The following CCBE1 variants were observed in gnomAD, a reference collection of about 807,000 sequenced individuals.
CCBE1 encodes the protein collagen and calcium binding EGF domains 1.
CCBE1 carries 37 observed loss-of-function variants against 50.0 expected under a neutral mutation model. The observed-to-expected ratio is 0.74, with a 90% CI of 0.57 to 0.97. The LOEUF is 0.97. CCBE1 is among the 50% of genes least tolerant of loss of function. The pLI is 0.00. For missense variants in CCBE1, 538 were observed against 523.8 expected (o/e 1.03, Z -0.26); for synonymous variants, 234 against 203.7 (o/e 1.15, Z -1.27).
At chr18:59,614,459 C>A (rs2053613378) in intron 2 of CCBE1, among the ~76,000 whole-genome samples, 2 of 152,214 alleles carry the variant, frequency 1.3e-5, no homozygotes, top group Admixed American at 6.5e-5. Context: ...ACAATGGTGT[C>A]TTCCCAAATA....
intron 2 of CCBE1, among the ~76,000 whole-genome samples, chr18:59,527,813 C>G (rs1914888094): frequency 6.6e-6 from 1 of 152,200 alleles, no homozygotes; most frequent in Non-Finnish European, 1.5e-5. Flanking sequence ...GGCCCCTAAT[C>G]TCTTCTGGCT....
chr18:59,506,623 A>G (rs1319745434), intron 2 of CCBE1, among the ~76,000 whole-genome samples: 1 of 152,116 alleles, frequency 6.6e-6, no homozygotes, highest in African/African-American at 2.4e-5. Flanking sequence ...CCCAACCTCA[A>G]TCTCTTTCCT....
intron 2 of CCBE1, among the ~76,000 whole-genome samples, chr18:59,543,127 C>T (rs1232594642): frequency 6.6e-6 from 1 of 151,716 alleles, no homozygotes; most frequent in Admixed American, 6.5e-5. Context: ...CCATATTTTA[C>T]ACAAAAAGTT....
intron 2 of CCBE1, among the ~76,000 whole-genome samples, chr18:59,684,785 T>A (rs1236600309): frequency 6.6e-6 from 1 of 152,222 alleles, no homozygotes; most frequent in Admixed American, 6.5e-5. Flanking sequence ...ATGTAGTAAA[T>A]ACAGAGCTTG....
chr18:59,651,755 G>A (rs2144667505), intron 2 of CCBE1, among the ~76,000 whole-genome samples: 1 of 152,306 alleles, frequency 6.6e-6, no homozygotes, highest in Non-Finnish European at 1.5e-5. Flanking sequence ...GAAAGGCACT[G>A]GGCCCCACCT....
chr18:59,530,691 G>T (rs892630541), intron 2 of CCBE1, among the ~76,000 whole-genome samples: 12 of 152,176 alleles, frequency 7.9e-5, no homozygotes, highest in Non-Finnish European at 1.2e-4. Flanking sequence ...CAGAGCTTCT[G>T]TAATTCTCTG....
At chr18:59,685,780 C>CA (rs2054646126) in intron 2 of CCBE1, 1 of 152,208 alleles carries the variant, frequency 6.6e-6, no homozygotes, top group East Asian at 1.9e-4. Context: ...AAGAAGTAAA[C>CA]AACAGAACAT....
intron 9 of CCBE1, among the ~76,000 whole-genome samples, chr18:59,438,970 C>T (rs1425463361): frequency 6.6e-6 from 1 of 151,848 alleles, no homozygotes; most frequent in South Asian, 2.1e-4. Context: ...GGTAACATGG[C>T]GAAACCCCGT....
At chr18:59,602,113 C>T (rs1162173048) in intron 2 of CCBE1, among the ~76,000 whole-genome samples, 1 of 147,422 alleles carries the variant, frequency 6.8e-6, no homozygotes, top group Non-Finnish European at 1.5e-5. Context: ...AATGTGAATT[C>T]CTTTTTTTTT....
intron 2 of CCBE1, among the ~76,000 whole-genome samples, chr18:59,621,933 C>T (rs77854527): frequency 0.014 from 2,157 of 152,278 alleles, 27 homozygotes; most frequent in Admixed American, 0.033. Context: ...CAGAGGCCAG[C>T]CATGGACTTA....
intron 2 of CCBE1, among the ~76,000 whole-genome samples, chr18:59,517,265 C>T (rs1396947552): frequency 6.6e-6 from 1 of 152,188 alleles, no homozygotes; most frequent in Admixed American, 6.5e-5. Context: ...TATTGATTCA[C>T]CCATGAACAA....
chr18:59,568,482 G>A (rs1157895886), intron 2 of CCBE1: 1 of 152,116 alleles, frequency 6.6e-6, no homozygotes, highest in Non-Finnish European at 1.5e-5. Context: ...AGAAACCAAT[G>A]GACTATTTAC....
chr18:59,540,925 T>C (rs1915441773), intron 2 of CCBE1, among the ~76,000 whole-genome samples: 1 of 152,208 alleles, frequency 6.6e-6, no homozygotes, highest in Non-Finnish European at 1.5e-5. Context: ...GCCAGTGCTT[T>C]AGAAGAAAGT....
At chr18:59,448,182 G>T in intron 6 of CCBE1, 79 bp from the exon 7 acceptor site, 1 of 1,593,264 alleles carries the variant, frequency 6.3e-7, no homozygotes, top group Non-Finnish European at 8.5e-7. Context: ...GGGAGAAGCT[G>T]CAAAGCCTTT....
At chr18:59,515,087 G>A (rs577751020) in intron 2 of CCBE1, among the ~76,000 whole-genome samples, 1 of 152,296 alleles carries the variant, frequency 6.6e-6, no homozygotes, top group South Asian at 2.1e-4. Flanking sequence ...AAACACAAGG[G>A]AACAGAAGTA....
At chr18:59,463,211 G>A (rs962111968) in intron 5 of CCBE1, among the ~76,000 whole-genome samples, 2 of 152,076 alleles carry the variant, frequency 1.3e-5, no homozygotes, top group Non-Finnish European at 2.9e-5. Context: ...CCCTTTCTGG[G>A]CCCACACTGC....
chr18:59,445,530 A>T (rs1335390490), intron 7 of CCBE1, among the ~76,000 whole-genome samples: 1 of 152,176 alleles, frequency 6.6e-6, no homozygotes, highest in Non-Finnish European at 1.5e-5. Context: ...TGACAGTCAG[A>T]CTCCAGCAAA....
At chr18:59,666,605 C>CT (rs35158151) in intron 2 of CCBE1, among the ~76,000 whole-genome samples, 232 of 147,658 alleles carry the variant, frequency 1.6e-3, no homozygotes, top group African/African-American at 5.4e-3. Flanking sequence ...CTACAAGACA[C>CT]TTTTTTTTTG....
chr18:59,593,878 G>A lies in CCBE1; in HGVS notation c.212+102751C>T, dbSNP rs75290079. Among the ~76,000 whole-genome samples, 316 of 152,334 alleles carry A rather than the reference G, an allele frequency of 2.1e-3. 4 individuals carry two copies. In the East Asian group the frequency reaches 0.032, roughly 15 times the overall value. On this transcript the variant is annotated intron_variant, in intron 2 of 10. Transcript: ENST00000439986. ...TGGACTAAAAATCAAGTAGCTGTAGGTCTCAGGAGGAACTGCACGGGGTCC... is the reference window on the plus strand; with the variant it reads ...TGGACTAAAAATCAAGTAGCTGTAGATCTCAGGAGGAACTGCACGGGGTCC...
Sources: allele counts gnomAD v4.1 joint callset (sites outside exome capture counted in the v4.1 genomes callset), GRCh38; gene constraint gnomAD v4.1.1; transcripts MANE v1.5; gene names NCBI Gene and HGNC (gene_info 2026-07-23, HGNC 2026-07-21).